The following TBCK variants were observed in gnomAD, a reference collection of about 807,000 sequenced individuals.
The protein encoded by TBCK is TBC domain-containing protein kinase-like protein.
In TBCK, 99 loss-of-function variants were observed where a neutral mutation model predicts 113.4. The observed-to-expected ratio is 0.87, with a 90% CI of 0.74 to 1.03. The LOEUF (loss-of-function observed/expected upper bound fraction) is 1.03. Among genes scored for constraint, TBCK ranks in the 50% least tolerant of loss-of-function variants. TBCK has a pLI of 0.00. For synonymous variants in TBCK, 369 were observed against 370.8 expected, an observed-to-expected ratio of 1.00 and a Z score of 0.05; for missense variants, 1,045 against 1,061.3, an observed-to-expected ratio of 0.98 and a Z score of 0.21.
At chr4:106,170,779 A>G (rs911526375) in intron 23 of TBCK, among the ~76,000 whole-genome samples, 1 of 151,830 alleles carries the variant, frequency 6.6e-6, no homozygotes, top group Non-Finnish European at 1.5e-5. Flanking sequence ...CTCTTTTTCT[A>G]TTTTTTTAAT....
chr4:106,072,388 G>T (rs1737574700), intron 25 of TBCK, among the ~76,000 whole-genome samples: 1 of 152,178 alleles, frequency 6.6e-6, no homozygotes, highest in South Asian at 2.1e-4. Flanking sequence ...ATTCTGGGTT[G>T]AAAATTCTTT....
At position 106,171,193 on chromosome 4, in the gene TBCK, G is replaced by A. The variant is rs779490203; in HGVS notation, c.2137C>T (p.His713Tyr). 6.2e-7 allele frequency: 1 copy of A among 1,612,750 alleles called. No homozygotes were observed. Reference sequence around the variant, plus strand: ...GAAGATGGCTTTGGAGGTTGAGCATGCTGTCTGTAAGTAGCACTTTTAGGA... The same window carrying A: ...GAAGATGGCTTTGGAGGTTGAGCATACTGTCTGTAAGTAGCACTTTTAGGA... ...WTPKSATYRQ[H>Y]AQPPKPSSDS... Residue 713 changes from histidine to tyrosine, a missense_variant, in exon 23 of 26, where the codon CAT becomes TAT. Coordinates refer to ENST00000394708, the MANE Select transcript of TBCK (RefSeq NM_001163435.3).
intron 23 of TBCK, among the ~76,000 whole-genome samples, chr4:106,151,815 A>C (rs1748524758): frequency 6.6e-6 from 1 of 151,820 alleles, no homozygotes; most frequent in Non-Finnish European, 1.5e-5. Context: ...TTCTTTGGTT[A>C]ATTCCTAAGT....
rs1488082451 is a variant in TBCK, at chr4:106,042,944, T to C, written c.*3626A>G. The C allele has an allele frequency of 6.6e-6, 1 of 152,198 alleles. No individual in the cohort carries two copies. Among genetic ancestry groups the C allele is most frequent in the Non-Finnish European group, 1.5e-5 (1 of 68,038 alleles). 9.4% of individuals were successfully genotyped at this position (152,198 alleles called of 1,614,324 possible). ...TGGCGGGAAGTTATGTCTTGTCATT[T>C]CATGGAGCGGAGTTCCTTGAGACGG... is the stretch of plus-strand genomic sequence containing the variant. On this transcript the variant is annotated 3_prime_UTR_variant, in exon 26 of 26. Coordinates refer to ENST00000394708, the MANE Select transcript of TBCK (RefSeq NM_001163435.3).
Position 106,248,169 on chromosome 4 carries a change from T to C in TBCK, c.782+76A>G, listed in dbSNP as rs573392157. 73 of 929,148 alleles carry C rather than the reference T, an allele frequency of 7.9e-5. No homozygotes were observed. In the South Asian group the frequency reaches 1.3e-3, roughly 16 times the overall value. The allele number at this position is 929,148 out of a possible 1,614,324, so 57.6% of individuals were successfully genotyped here. ...TATGTACATTATCTTTAATCCATTA[T>C]ATTAAAACAAGAAAAAAACCAATTG... On this transcript the variant is annotated intron_variant, in intron 9 of 25. Coordinates refer to ENST00000394708, the MANE Select transcript of TBCK (RefSeq NM_001163435.3).
intron 23 of TBCK, chr4:106,163,588 C>A (rs1750038399): frequency 6.6e-6 from 1 of 152,122 alleles, no homozygotes; most frequent in African/African-American, 2.4e-5. Flanking sequence ...AGGAAACTTA[C>A]AATCATGGTA....
chr4:106,073,094 T>G (rs1322089384), intron 25 of TBCK, among the ~76,000 whole-genome samples: 1 of 152,226 alleles, frequency 6.6e-6, no homozygotes, highest in East Asian at 1.9e-4. Flanking sequence ...TGAAGGCTAC[T>G]TCTGTCAACT....
Position 106,042,248 on chromosome 4 carries a change from A to G in TBCK, c.*4322T>C, listed in dbSNP as rs943462388. 1 of 152,200 alleles carries G rather than the reference A, an allele frequency of 6.6e-6. No individual in the cohort carries two copies. The highest frequency in any genetic ancestry group is 1.5e-5 in the Non-Finnish European group (1 of 68,036). 9.4% of individuals were successfully genotyped at this position (152,200 alleles called of 1,614,324 possible). On this transcript the variant is annotated 3_prime_UTR_variant, in exon 26 of 26. Transcript: ENST00000394708. ...TTGGGTCAGCATGTATAACAATGGGATTACTAGTTACAACTGATAGAATGA... is the reference window on the plus strand; with the variant it reads ...TTGGGTCAGCATGTATAACAATGGGGTTACTAGTTACAACTGATAGAATGA...
intron 24 of TBCK, among the ~76,000 whole-genome samples, chr4:106,113,700 G>A (rs1349018489): frequency 1.3e-5 from 2 of 152,202 alleles, no homozygotes; most frequent in Non-Finnish European, 2.9e-5. Context: ...ACAGGACGCT[G>A]AAGAAGAGAA....
At chr4:106,198,507 C>A (rs1197119591) in intron 20 of TBCK, among the ~76,000 whole-genome samples, 1 of 152,088 alleles carries the variant, frequency 6.6e-6, no homozygotes, top group East Asian at 1.9e-4. Flanking sequence ...CCTTCCTGAT[C>A]ATTTCCATCA....
intron 25 of TBCK, among the ~76,000 whole-genome samples, chr4:106,064,328 C>T (rs1229730664): frequency 3.3e-5 from 5 of 151,572 alleles, no homozygotes; most frequent in African/African-American, 1.2e-4. Context: ...ATAGAATATC[C>T]ACATAAACTG....
chr4:106,159,871 G>C (rs10008428), intron 23 of TBCK, among the ~76,000 whole-genome samples: 1 of 151,614 alleles, frequency 6.6e-6, no homozygotes, highest in African/African-American at 2.4e-5. Context: ...CTTCCTGATT[G>C]CAAAATTTAT....
intron 1 of TBCK, chr4:106,315,581 CGACT>C (rs1768723463): frequency 2.0e-5 from 3 of 152,168 alleles, no homozygotes; most frequent in South Asian, 2.1e-4. Flanking sequence ...TACACTTTGA[CGACT>C]GACTAAACCT....
chr4:106,122,607 A>C (rs1744579115), intron 23 of TBCK, among the ~76,000 whole-genome samples: 1 of 152,246 alleles, frequency 6.6e-6, no homozygotes, highest in African/African-American at 2.4e-5. Flanking sequence ...CCTGATGAAC[A>C]TTGATGCAAA....
intron 23 of TBCK, among the ~76,000 whole-genome samples, chr4:106,127,745 A>G (rs1334605376): frequency 6.6e-6 from 1 of 152,138 alleles, no homozygotes; most frequent in Non-Finnish European, 1.5e-5. Context: ...AAATATAGCT[A>G]AAATTTTAAA....
intron 25 of TBCK, among the ~76,000 whole-genome samples, chr4:106,086,544 A>C (rs1322536735): frequency 6.6e-6 from 1 of 152,208 alleles, no homozygotes; most frequent in African/African-American, 2.4e-5. Context: ...ACTATTCCAG[A>C]CAACTGAAAA....
intron 2 of TBCK, among the ~76,000 whole-genome samples, chr4:106,297,540 C>T (rs1016166460): frequency 1.3e-5 from 2 of 152,224 alleles, no homozygotes; most frequent in African/African-American, 4.8e-5. Flanking sequence ...GATCTTCTCA[C>T]ATTAATTCCT....
In TBCK at chr4:106,316,093, A is replaced by C. The variant is rs1383208140; in HGVS notation, c.-192T>G. On this transcript the variant is annotated 5_prime_UTR_variant, in exon 1 of 26. Transcript: ENST00000394708. Reference sequence around the variant, plus strand: ...AAGAGGCCACTCCTGGAACGCCGGGAGCTCAGACGCTGCCCTTTGCTCGCG... The same window carrying C: ...AAGAGGCCACTCCTGGAACGCCGGGCGCTCAGACGCTGCCCTTTGCTCGCG... 2 of 154,938 alleles carry C rather than the reference A, an allele frequency of 1.3e-5. No homozygotes were observed. Among genetic ancestry groups the C allele is most frequent in the African/African-American group, 4.8e-5 (2 of 41,516 alleles). The allele number at this position is 154,938 out of a possible 1,614,324, so 9.6% of individuals were successfully genotyped here. A position where few individuals can be genotyped will look rare whatever the true frequency, so the allele number is the denominator to read the frequency against.
intron 22 of TBCK, among the ~76,000 whole-genome samples, chr4:106,180,992 T>C (rs1752301463): frequency 6.6e-6 from 1 of 152,212 alleles, no homozygotes; most frequent in African/African-American, 2.4e-5. Flanking sequence ...ACCAACAGTG[T>C]AAAAGCATTC....
Sources: allele counts gnomAD v4.1 joint callset (sites outside exome capture counted in the v4.1 genomes callset), GRCh38; gene constraint gnomAD v4.1.1; transcripts MANE v1.5; gene names NCBI Gene and HGNC (gene_info 2026-07-23, HGNC 2026-07-21).